Variants in BMP6 observed in about 807,000 individuals in gnomAD.
BMP6 encodes the protein bone morphogenetic protein 6.
In BMP6, 17 loss-of-function variants were observed where a neutral mutation model predicts 54.1. That is an observed-to-expected ratio of 0.31 (90% CI 0.22 to 0.47). The LOEUF is 0.47. BMP6 is among the 20% of genes least tolerant of loss of function. The pLI is 1.00. For missense variants in BMP6, 720 were observed against 690.4 expected, an observed-to-expected ratio of 1.04 and a Z score of -0.48; for synonymous variants, 328 against 291.2, an observed-to-expected ratio of 1.13 and a Z score of -1.28.
At chr6:7,868,074 A>G (rs142711484) in intron 4 of BMP6, among the ~76,000 whole-genome samples, 1 of 152,350 alleles carries the variant, frequency 6.6e-6, no homozygotes, top group Non-Finnish European at 1.5e-5. Flanking sequence ...TGCTTAGAGC[A>G]CAGAGGGTCT....
Position 7,772,790 on chromosome 6 carries a change from C to T in BMP6, c.664+45171C>T, listed in dbSNP as rs1757810372. On this transcript the variant is annotated intron_variant, in intron 1 of 6. Transcript: ENST00000283147. ...TGTCTTTGTCTCTGGACCCTTCTATCTAAGGTCCCATGGCTGGCAGGTGAC... is the reference window on the plus strand; with the variant it reads ...TGTCTTTGTCTCTGGACCCTTCTATTTAAGGTCCCATGGCTGGCAGGTGAC... Among the ~76,000 whole-genome samples the T allele has an allele frequency of 2.6e-5, 4 of 152,198 alleles. No individual in the cohort carries two copies. The South Asian group carries it at 6.2e-4, about 24-fold the overall frequency.
chr6:7,780,530 CAA>C (rs1173587483), intron 1 of BMP6, among the ~76,000 whole-genome samples: 1 of 150,666 alleles, frequency 6.6e-6, no homozygotes, highest in Non-Finnish European at 1.5e-5. Context: ...GCCTGGACAA[CAA>C]GAGTGAAATT....
At chr6:7,831,352 A>G (rs886926598) in intron 1 of BMP6, among the ~76,000 whole-genome samples, 2 of 152,178 alleles carry the variant, frequency 1.3e-5, no homozygotes. Context: ...GAGGCGATGA[A>G]AATGTTTTGG....
At chr6:7,857,077 A>G (rs563084136) in intron 2 of BMP6, among the ~76,000 whole-genome samples, 12 of 152,220 alleles carry the variant, frequency 7.9e-5, no homozygotes, top group African/African-American at 1.4e-4. Context: ...TATTTTGGCA[A>G]TGGTGCTCTC....
intron 1 of BMP6, among the ~76,000 whole-genome samples, chr6:7,745,233 G>A (rs2113122064): frequency 6.6e-6 from 1 of 152,328 alleles, no homozygotes; most frequent in South Asian, 2.1e-4. Context: ...TGTTCTGGGA[G>A]ATGCAGTGAC....
At chr6:7,829,896 A>G (rs1421985447) in intron 1 of BMP6, among the ~76,000 whole-genome samples, 2 of 152,220 alleles carry the variant, frequency 1.3e-5, no homozygotes, top group African/African-American at 4.8e-5. Flanking sequence ...ACTACATTCC[A>G]GTATACAGTA....
In BMP6 at chr6:7,727,193, C is replaced by G. The variant is rs759829490; in HGVS notation, c.238C>G (p.Gln80Glu). 5.0e-6 allele frequency: 8 copies of G among 1,603,464 alleles called. No individual in the cohort carries two copies. The highest frequency in any genetic ancestry group is 6.8e-6 in the Non-Finnish European group (8 of 1,175,898). Residue 80 changes from glutamine to glutamate, a missense_variant, in exon 1 of 7, where the codon CAG becomes GAG. Gln to Glu is a conservative substitution (Grantham distance 29). This residue lies in a region of BMP6 where 650 missense variants were observed against 556.3 expected (regional missense o/e 1.17). Coordinates refer to ENST00000283147, the MANE Select transcript of BMP6 (RefSeq NM_001718.6). The stretch of plus-strand genomic sequence containing the variant: ...CAAGACGCAGGAGAAGCGGGAGATG[C>G]AGAAGGAGATCTTGTCGGTGCTGGG... ...RLKTQEKREM[Q>E]KEILSVLGLP... is the part of the protein sequence containing the mutation.
At chr6:7,879,527 A>G (rs1462135737) in intron 5 of BMP6, among the ~76,000 whole-genome samples, 1 of 152,220 alleles carries the variant, frequency 6.6e-6, no homozygotes, top group African/African-American at 2.4e-5. Flanking sequence ...AACATCTCCA[A>G]TGGCTGCAAA....
rs960150682 is a variant in BMP6 at position 7,856,680 on chromosome 6, T to G, written c.858-4771T>G. The stretch of plus-strand genomic sequence containing the variant: ...GGCGGGATCTCGGCTCACTGCAAGC[T>G]CCGCCTCCCGGGTTCACGCCATTCT... On this transcript the variant is annotated intron_variant, in intron 2 of 6. Transcript: ENST00000283147. 2.6e-4 allele frequency among the ~76,000 whole-genome samples: 35 copies of G among 137,234 alleles called. No homozygotes were observed. In the East Asian group the frequency reaches 8.0e-3, roughly 31 times the overall value. The allele number at this position is 137,234 out of a possible 152,430, so 90.0% of individuals were successfully genotyped here.
intron 1 of BMP6, among the ~76,000 whole-genome samples, chr6:7,821,176 C>T (rs1033564746): frequency 1.3e-5 from 2 of 152,238 alleles, no homozygotes; most frequent in Non-Finnish European, 2.9e-5. Flanking sequence ...GAATATGACA[C>T]CAGCCTTTTA....
In BMP6 at chr6:7,746,106, C is replaced by T. The variant is rs114902417; in HGVS notation, c.664+18487C>T. Among the ~76,000 whole-genome samples the T allele has an allele frequency of 2.7e-3, 406 of 152,204 alleles. 1 individual carries two copies. The highest frequency in any genetic ancestry group is 4.4e-3 in the Non-Finnish European group (296 of 68,004). Reference sequence around the variant, plus strand: ...GGTATAGAGGCAAAGGCATTCCCGCCGGAGGAATGCATCAGGGGCAGTGTT... The same window carrying T: ...GGTATAGAGGCAAAGGCATTCCCGCTGGAGGAATGCATCAGGGGCAGTGTT... On this transcript the variant is annotated intron_variant, in intron 1 of 6. Coordinates refer to ENST00000283147, the MANE Select transcript of BMP6 (RefSeq NM_001718.6).
intron 1 of BMP6, among the ~76,000 whole-genome samples, chr6:7,770,007 G>C (rs1757759031): frequency 6.6e-6 from 1 of 152,122 alleles, no homozygotes; most frequent in Non-Finnish European, 1.5e-5. Context: ...TTTGGATGTA[G>C]TCAGATGAGG....
At position 7,874,226 on chromosome 6, in the gene BMP6, T is replaced by C. The variant is rs1001414551; in HGVS notation, c.1205-4848T>C. On this transcript the variant is annotated intron_variant, in intron 4 of 6. Coordinates refer to ENST00000283147, the MANE Select transcript of BMP6 (RefSeq NM_001718.6). ...CATTCATGGGCAGAATCCAGGCACA[T>C]GGCCACAGCTAACTGCAGTGGGAAA... 5.3e-5 allele frequency among the ~76,000 whole-genome samples: 8 copies of C among 152,262 alleles called. No homozygotes were observed. In the East Asian group the frequency reaches 7.7e-4, roughly 15 times the overall value.
intron 1 of BMP6, among the ~76,000 whole-genome samples, chr6:7,820,424 T>G (rs116723724): frequency 0.022 from 3,358 of 152,294 alleles, 53 homozygotes; most frequent in Middle Eastern, 0.075. Context: ...GAAAAGTGTT[T>G]TTCTGGCTCT....
chr6:7,867,070 C>T (rs1759435171), intron 4 of BMP6, among the ~76,000 whole-genome samples: 1 of 152,156 alleles, frequency 6.6e-6, no homozygotes, highest in Non-Finnish European at 1.5e-5. Flanking sequence ...CGGAGTTTCA[C>T]CATGTTGGTC....
chr6:7,862,390 A>C lies in BMP6; in HGVS notation c.1096A>C (p.Ser366Arg). The C allele has an allele frequency of 1.2e-6, 2 of 1,614,130 alleles. No individual in the cohort carries two copies. Among genetic ancestry groups the C allele is most frequent in the Non-Finnish European group, 1.7e-6 (2 of 1,180,006 alleles). ...QPFMVAFFKV[S>R]EVHVRTTRSA... Reference sequence around the variant, plus strand: ...CTTCATGGTGGCTTTCTTCAAAGTGAGTGAGGTGCACGTGCGCACCACCAG... The same window carrying C: ...CTTCATGGTGGCTTTCTTCAAAGTGCGTGAGGTGCACGTGCGCACCACCAG... The change falls in exon 4 of 7, where the codon AGT becomes CGT. Residue 366 changes from serine to arginine, a missense_variant. Ser to Arg is a moderately radical substitution (Grantham distance 110). Coordinates refer to ENST00000283147, the MANE Select transcript of BMP6 (RefSeq NM_001718.6).
At chr6:7,851,800 TG>T (rs528864306) in intron 2 of BMP6, among the ~76,000 whole-genome samples, 114 of 152,290 alleles carry the variant, frequency 7.5e-4, no homozygotes, top group East Asian at 1.3e-3. Flanking sequence ...ATTTATCAAA[TG>T]TTTTTTTTTA....
chr6:7,863,699 G>T (rs1394908643), intron 4 of BMP6, among the ~76,000 whole-genome samples: 1 of 152,150 alleles, frequency 6.6e-6, no homozygotes. Context: ...TCTGCTACCT[G>T]AGTGTCAGCT....
Position 7,809,956 on chromosome 6 carries a change from A to ATG in BMP6, c.665-35183_665-35182insGT, listed in dbSNP as rs1758412210. Among the ~76,000 whole-genome samples the ATG allele has an allele frequency of 6.6e-4, 101 of 152,214 alleles. 1 individual carries two copies. Among genetic ancestry groups the ATG allele is most frequent in the Admixed American group, 6.5e-3 (99 of 15,282 alleles). ...TCTTGTACAAAGAGACCACTTATATATTTATTCACTGAGCAAATATTCATT... is the reference window on the plus strand; with the variant it reads ...TCTTGTACAAAGAGACCACTTATATATGTTTATTCACTGAGCAAATATTCATT... On this transcript the variant is annotated intron_variant, in intron 1 of 6. Coordinates refer to ENST00000283147, the MANE Select transcript of BMP6 (RefSeq NM_001718.6).
Sources: gnomAD v4.1 joint callset for allele counts (sites outside exome capture counted in the v4.1 genomes callset) on GRCh38, gnomAD v4.1.1 for gene constraint, gnomAD v4.1.1 regional missense constraint, MANE v1.5 for transcripts, NCBI Gene and HGNC (gene_info 2026-07-23, HGNC 2026-07-21) for gene names.